The following LTBR variants were observed in gnomAD, a reference collection of about 807,000 sequenced individuals.
The protein encoded by LTBR is tumor necrosis factor receptor superfamily member 3.
LTBR carries 15 observed loss-of-function variants against 45.4 expected under a neutral mutation model. The observed-to-expected ratio is 0.33, with a 90% CI of 0.22 to 0.51. The LOEUF (loss-of-function observed/expected upper bound fraction) is 0.51, where lower values mean the gene tolerates loss of function less well. Ranked by LOEUF, LTBR falls within the 20% of genes least tolerant of loss-of-function variation. The pLI, the probability that LTBR is intolerant of heterozygous loss-of-function variation, is 0.97. For missense variants in LTBR, 450 were observed against 565.5 expected (o/e 0.80, Z 2.07); for synonymous variants, 228 against 231.0 (o/e 0.99, Z 0.12).
chr12:6,384,495 G>A (rs758254066), intron 1 of LTBR, 41 bp downstream of exon 1: 13 of 1,588,874 alleles, frequency 8.2e-6, no homozygotes, highest in Non-Finnish European at 1.1e-5. Context: ...GGGTGGGCAA[G>A]AGGGATCTGG....
intron 1 of LTBR, among the ~76,000 whole-genome samples, chr12:6,378,930 C>T (rs995605612): frequency 2.6e-5 from 4 of 151,886 alleles, no homozygotes; most frequent in Non-Finnish European, 5.9e-5. Flanking sequence ...AAAATATGCA[C>T]GGCTGCAGGG....
rs1167218791 is a variant in LTBR at position 6,386,252 on chromosome 12, C to T, written c.569+90C>T. On this transcript the variant is annotated intron_variant, in intron 5 of 9. Coordinates refer to ENST00000228918, the MANE Select transcript of LTBR (RefSeq NM_002342.3). The surrounding 1 kb of genome is among the most constrained non-coding windows in gnomAD (Gnocchi z 4.1). ...GCGCCTATCCTTGACACCACGGACT[C>T]GACTCACCACTTTCAGCCTCCCCGC... 13 of 1,473,730 alleles carry T rather than the reference C, an allele frequency of 8.8e-6. No homozygotes were observed. Among genetic ancestry groups the T allele is most frequent in the Admixed American group, 6.9e-5 (4 of 58,308 alleles). 91.3% of individuals were successfully genotyped at this position (1,473,730 alleles called of 1,614,324 possible). A position where few individuals can be genotyped will look rare whatever the true frequency, so the allele number is the denominator to read the frequency against.
At chr12:6,378,071 A>G (rs1180952116) in intron 1 of LTBR, among the ~76,000 whole-genome samples, 1 of 152,248 alleles carries the variant, frequency 6.6e-6, no homozygotes, top group East Asian at 1.9e-4. Flanking sequence ...TTTTTGTCAC[A>G]GTACAATTTT....
At position 6,385,166 on chromosome 12, in the gene LTBR, G is replaced by A. The variant is rs1949024465; in HGVS notation, c.319+19G>A. 6.2e-7 allele frequency: 1 copy of A among 1,614,216 alleles called. No homozygotes were observed. Among genetic ancestry groups the A allele is most frequent in the African/African-American group, 1.3e-5 (1 of 75,064 alleles). ...GACCCAGGTGAGTGGGGATGTGCCT[G>A]CGGGGGGGCTGGATCCCCTGGAGCT... On this transcript the variant is annotated intron_variant, in intron 3 of 9. Coordinates refer to ENST00000228918, the MANE Select transcript of LTBR (RefSeq NM_002342.3).
rs1416256679 is a variant in LTBR at position 6,390,746 on chromosome 12, C to T, written c.1117C>T (p.Pro373Ser). The T allele has an allele frequency of 6.4e-6, 10 of 1,561,758 alleles. No individual in the cohort carries two copies. Among genetic ancestry groups the T allele is most frequent in the Non-Finnish European group, 8.7e-6 (10 of 1,155,436 alleles). Residue 373 changes from proline (P) to serine (S), a missense_variant, in exon 10 of 10, where the codon CCG (proline) becomes TCG (serine). Coordinates refer to ENST00000228918, the MANE Select transcript of LTBR (RefSeq NM_002342.3). Reference protein sequence around the residue: ...IYNGPVLGGPPGPGDLPATPE... With the variant: ...IYNGPVLGGPSGPGDLPATPE... ...CAATGGACCAGTACTGGGGGGACCA[C>T]CGGGTCCTGGAGACCTCCCAGCTAC...
At chr12:6,381,091 A>G (rs1452480767), upstream of LTBR, among the ~76,000 whole-genome samples, 2 of 152,156 alleles carry the variant, frequency 1.3e-5, no homozygotes, top group African/African-American at 4.8e-5. Flanking sequence ...AGTCTTTCAA[A>G]CAGAAGAAGT....
At chr12:6,384,514 C>T in intron 1 of LTBR, 60 bp downstream of exon 1, 1 of 1,599,258 alleles carries the variant, frequency 6.3e-7, no homozygotes, top group Non-Finnish European at 8.5e-7. Context: ...GGGCAGCCGT[C>T]GCTCCATTCC....
chr12:6,391,064 G>T lies in LTBR; in HGVS notation c.*127G>T. 1.0e-6 allele frequency: 1 copy of T among 1,003,304 alleles called. No individual in the cohort carries two copies. The highest frequency in any genetic ancestry group is 1.4e-6 in the Non-Finnish European group (1 of 718,604). 62.2% of individuals were successfully genotyped at this position (1,003,304 alleles called of 1,614,324 possible). On this transcript the variant is annotated 3_prime_UTR_variant, in exon 10 of 10. Coordinates refer to ENST00000228918, the MANE Select transcript of LTBR (RefSeq NM_002342.3). The stretch of plus-strand genomic sequence containing the variant: ...GGAAGCAGAGCCCTAAGGGATTAAG[G>T]CTCAGACACCTCTGAGAGCAGGTGG...
chr12:6,386,236 C>A lies in LTBR; in HGVS notation c.569+74C>A, dbSNP rs1949045922. 3 of 1,496,810 alleles carry A rather than the reference C, an allele frequency of 2.0e-6. No homozygotes were observed. The highest frequency in any genetic ancestry group is 2.3e-5 in the East Asian group (1 of 44,070). The allele number at this position is 1,496,810 out of a possible 1,614,324, so 92.7% of individuals were successfully genotyped here. ...CTGCTAACAACCCCCAGCGCCTATCCTTGACACCACGGACTCGACTCACCA... is the reference window on the plus strand; with the variant it reads ...CTGCTAACAACCCCCAGCGCCTATCATTGACACCACGGACTCGACTCACCA... On this transcript the variant is annotated intron_variant, in intron 5 of 9. Transcript: ENST00000228918. This position sits in a 1 kb window ranked among gnomAD's most constrained non-coding sequence, Gnocchi z 4.1.
intron 8 of LTBR, chr12:6,389,276 T>G (rs576418699): frequency 6.1e-6 from 1 of 163,332 alleles, no homozygotes; most frequent in South Asian, 1.6e-4. Context: ...GCAAAGACCC[T>G]GAGGCAGGGG....
upstream of LTBR, among the ~76,000 whole-genome samples, chr12:6,383,741 C>T (rs138183646): frequency 1.0e-3 from 156 of 152,334 alleles, no homozygotes; most frequent in Non-Finnish European, 1.7e-3. Flanking sequence ...GGAACCCGGG[C>T]ATCTGCCAGC....
Position 6,390,205 on chromosome 12 carries a change from G to A in LTBR, c.895G>A (p.Gly299Arg), listed in dbSNP as rs892152990. The change falls in exon 9 of 10, where the codon GGA (glycine) becomes AGA (arginine). Residue 299 changes from glycine (G) to arginine (R), a missense_variant. Coordinates refer to ENST00000228918, the MANE Select transcript of LTBR (RefSeq NM_002342.3). The part of the protein sequence containing the change: ...DLVQPLLPIS[G>R]DVSPVSTGLP... ...GGTACAGCCACTGCTACCCATTTCT[G>A]GAGATGTTTCCCCAGTATCCACTGG... 6.2e-6 allele frequency: 10 copies of A among 1,614,022 alleles called. No individual in the cohort carries two copies. Among genetic ancestry groups the A allele is most frequent in the Middle Eastern group, 1.6e-4 (1 of 6,084 alleles).
chr12:6,377,695 T>C, intron 1 of LTBR: 2 of 1,295,082 alleles, frequency 1.5e-6, no homozygotes, highest in Non-Finnish European at 2.0e-6. Context: ...TGCAATAAGG[T>C]GCTCAGCACC....
upstream of LTBR, chr12:6,384,082 C>T (rs1481403728): frequency 3.8e-5 from 47 of 1,240,554 alleles, no homozygotes; most frequent in Non-Finnish European, 4.5e-5. Flanking sequence ...CAAGCCTGTT[C>T]CTCTTCCCTG....
chr12:6,389,093 A>C, intron 8 of LTBR: 1 of 397,708 alleles, frequency 2.5e-6, no homozygotes, highest in Non-Finnish European at 4.7e-6. Context: ...TTGCTAAACA[A>C]AGCAGGGAAG....
upstream of LTBR, among the ~76,000 whole-genome samples, chr12:6,382,954 G>GTGGACTGGCTCTGTGA (rs1244987907): frequency 1.3e-5 from 2 of 152,226 alleles, no homozygotes; most frequent in Non-Finnish European, 2.9e-5. Flanking sequence ...TGGCTCTGCG[G>GTGGACTGGCTCTGTGA]TGGACTGGCT....
chr12:6,388,819 T>G lies in LTBR; in HGVS notation c.795T>G (p.Arg265=). The G allele has an allele frequency of 6.2e-7, 1 of 1,613,988 alleles. No homozygotes were observed. Among genetic ancestry groups the G allele is most frequent in the Non-Finnish European group, 8.5e-7 (1 of 1,179,976 alleles). Residue 265 remains arginine, a synonymous_variant, in exon 8 of 10, where the codon CGT becomes CGG. Coordinates refer to ENST00000228918, the MANE Select transcript of LTBR (RefSeq NM_002342.3). This position sits in a 1 kb window ranked among gnomAD's most constrained non-coding sequence, Gnocchi z 4.3. ...TTGCAGGATCGCTGCTCAAGAGGCG[T>G]CCGCAGGTAATGGCGGGGGCTGAGA... ...CRKLGSLLKR[R]PQGEGPNPVA...
chr12:6,388,145 C>A lies in LTBR; in HGVS notation c.668-253C>A. The A allele has an allele frequency of 2.1e-6, 1 of 473,394 alleles. No individual in the cohort carries two copies. Among genetic ancestry groups the A allele is most frequent in the Non-Finnish European group, 3.9e-6 (1 of 256,128 alleles). 29.3% of individuals were successfully genotyped at this position (473,394 alleles called of 1,614,324 possible). A position where few individuals can be genotyped will look rare whatever the true frequency, so the allele number is the denominator to read the frequency against. Reference sequence around the variant, plus strand: ...AGCAGGAGGGCACCCACACCACCCCCAAACATGCCCATCCATGATACAGTC... The same window carrying A: ...AGCAGGAGGGCACCCACACCACCCCAAAACATGCCCATCCATGATACAGTC... On this transcript the variant is annotated intron_variant, in intron 6 of 9. Coordinates refer to ENST00000228918, the MANE Select transcript of LTBR (RefSeq NM_002342.3). This position sits in a 1 kb window ranked among gnomAD's most constrained non-coding sequence, Gnocchi z 4.3.
At chr12:6,377,581 G>T in intron 1 of LTBR, 2 of 1,031,332 alleles carry the variant, frequency 1.9e-6, no homozygotes, top group Non-Finnish European at 2.7e-6. Flanking sequence ...CCTTGGCTCT[G>T]TGAAAAGGTC....
Sources: gnomAD v4.1 joint callset for allele counts (sites outside exome capture counted in the v4.1 genomes callset) on GRCh38, gnomAD v4.1.1 for gene constraint, Gnocchi (gnomAD v3.1) non-coding constraint, MANE v1.5 for transcripts, NCBI Gene and HGNC (gene_info 2026-07-23, HGNC 2026-07-21) for gene names.